EYS: variants seen among roughly 807,000 people sequenced by gnomAD.
EYS encodes protein eyes shut homolog.
Under a neutral mutation model 282.1 loss-of-function variants are expected in EYS, and 250 were observed. The observed-to-expected ratio is 0.89, with a 90% CI of 0.80 to 0.98. The LOEUF (loss-of-function observed/expected upper bound fraction) is 0.98, where lower values mean the gene tolerates loss of function less well. EYS is among the 50% of genes least tolerant of loss of function. The pLI is 0.00. For synonymous variants in EYS, 1,355 were observed against 1,282.9 expected (o/e 1.06, Z -1.20); for missense variants, 4,016 against 3,709.0 (o/e 1.08, Z -2.15).
rs137897405 is a variant in EYS at position 65,653,181 on chromosome 6, T to C, written c.-447-13289A>G. Among the ~76,000 whole-genome samples, 4 of 152,030 alleles carry C rather than the reference T, an allele frequency of 2.6e-5. No individual in the cohort carries two copies. In the East Asian group the frequency reaches 7.7e-4, roughly 29 times the overall value. ...TTTCTATTTCTTCACTTAATTTTTA[T>C]CTGTGCCTACCTTTGTCCAAAACCA... On this transcript the variant is annotated intron_variant, in intron 1 of 42. Transcript: ENST00000503581.
chr6:64,452,975 A>G (rs938891493), intron 26 of EYS, among the ~76,000 whole-genome samples: 7 of 152,226 alleles, frequency 4.6e-5, no homozygotes. Flanking sequence ...TAAAACACCA[A>G]AAGCAATGGC....
chr6:65,042,117 T>C (rs1173898316), intron 13 of EYS, among the ~76,000 whole-genome samples: 1 of 151,632 alleles, frequency 6.6e-6, no homozygotes, highest in Admixed American at 6.6e-5. Flanking sequence ...ACTGACCCCT[T>C]CAGTATTATG....
intron 28 of EYS, among the ~76,000 whole-genome samples, chr6:64,404,943 G>A (rs1773659346): frequency 6.6e-6 from 1 of 152,062 alleles, no homozygotes. Context: ...TAGAGAAAAA[G>A]TCAAGGCCAC....
At chr6:65,408,217 A>G (rs1250319284) in intron 5 of EYS, among the ~76,000 whole-genome samples, 2 of 152,092 alleles carry the variant, frequency 1.3e-5, no homozygotes, top group Admixed American at 1.3e-4. Context: ...GAGATTTTCT[A>G]TCTTTATTCA....
intron 19 of EYS, among the ~76,000 whole-genome samples, chr6:64,883,001 T>C (rs1203458157): frequency 6.6e-6 from 1 of 151,556 alleles, no homozygotes; most frequent in African/African-American, 2.4e-5. Context: ...ATCTGAGTTA[T>C]GGTATGAGGA....
chr6:63,734,124 G>A (rs995185540), intron 41 of EYS, among the ~76,000 whole-genome samples: 1 of 152,062 alleles, frequency 6.6e-6, no homozygotes, highest in South Asian at 2.1e-4. Context: ...CTACAAAATC[G>A]GGACGAGGCA....
intron 12 of EYS, among the ~76,000 whole-genome samples, chr6:65,154,700 C>T (rs1017674185): frequency 4.6e-5 from 7 of 151,402 alleles, no homozygotes; most frequent in Non-Finnish European, 1.0e-4. Flanking sequence ...TAATTACCTC[C>T]ATTAAGCATA....
intron 26 of EYS, among the ~76,000 whole-genome samples, chr6:64,457,949 A>T (rs1301707779): frequency 3.3e-5 from 5 of 151,862 alleles, no homozygotes; most frequent in African/African-American, 1.2e-4. Flanking sequence ...GTGTGTATCT[A>T]TAGGATTTTG....
intron 35 of EYS, among the ~76,000 whole-genome samples, chr6:63,884,383 T>A (rs758588495): frequency 1.3e-5 from 2 of 152,166 alleles, no homozygotes; most frequent in Non-Finnish European, 2.9e-5. Flanking sequence ...TTTACTAAAA[T>A]GTCCTAACTG....
intron 37 of EYS, among the ~76,000 whole-genome samples, chr6:63,804,660 T>C (rs1770858905): frequency 6.6e-6 from 1 of 152,172 alleles, no homozygotes; most frequent in South Asian, 2.1e-4. Context: ...CCTGGTTGTG[T>C]TCAGAGATGC....
At chr6:65,346,095 C>G (rs1247607422) in intron 9 of EYS, among the ~76,000 whole-genome samples, 1 of 151,664 alleles carries the variant, frequency 6.6e-6, no homozygotes, top group African/African-American at 2.4e-5. Flanking sequence ...ATCTCAGGAG[C>G]GCCTGCCTTA....
chr6:65,231,863 G>A (rs536881796), intron 12 of EYS, among the ~76,000 whole-genome samples: 57 of 151,880 alleles, frequency 3.8e-4, no homozygotes, highest in African/African-American at 1.3e-3. Flanking sequence ...GTAGTGGTAT[G>A]AATAGTTCCC....
At chr6:64,538,416 G>C (rs987777079) in intron 26 of EYS, among the ~76,000 whole-genome samples, 2 of 152,060 alleles carry the variant, frequency 1.3e-5, no homozygotes, top group Non-Finnish European at 2.9e-5. Context: ...TTCTATAATT[G>C]GTAAGGTATG....
At chr6:64,653,818 G>A (rs1298014832) in intron 22 of EYS, among the ~76,000 whole-genome samples, 1 of 149,970 alleles carries the variant, frequency 6.7e-6, no homozygotes, top group African/African-American at 2.5e-5. Context: ...TCCCGCCTCT[G>A]CCTCCCAGAA....
intron 12 of EYS, among the ~76,000 whole-genome samples, chr6:65,258,337 G>C (rs1490841028): frequency 2.6e-5 from 4 of 152,110 alleles, no homozygotes; most frequent in African/African-American, 9.6e-5. Context: ...AAAGTAATTT[G>C]ATCCAAAATT....
chr6:64,009,675 T>C lies in EYS; in HGVS notation c.6726-10492A>G, dbSNP rs185915469. ...AGATTCTTTAGATTTTTTGACTTTG[T>C]TCTGAATCTTGATGATCTTTGTTCC... On this transcript the variant is annotated intron_variant, in intron 33 of 42. Transcript: ENST00000503581. Among the ~76,000 whole-genome samples, 18 of 152,314 alleles carry C rather than the reference T, an allele frequency of 1.2e-4. No homozygotes were observed. The East Asian group carries it at 3.1e-3, about 26-fold the overall frequency.
intron 5 of EYS, among the ~76,000 whole-genome samples, chr6:65,427,166 A>G (rs1767693709): frequency 6.6e-6 from 1 of 152,000 alleles, no homozygotes; most frequent in South Asian, 2.1e-4. Flanking sequence ...AGTAGTCTTG[A>G]TATCTGCCAG....
intron 30 of EYS, among the ~76,000 whole-genome samples, chr6:64,288,880 A>T (rs1768596570): frequency 1.3e-5 from 2 of 152,052 alleles, no homozygotes; most frequent in Non-Finnish European, 2.9e-5. Flanking sequence ...TTCCTTCTAA[A>T]GAGCAGATGC....
chr6:64,992,505 T>C (rs1377400844), intron 14 of EYS, among the ~76,000 whole-genome samples: 1 of 151,920 alleles, frequency 6.6e-6, no homozygotes, highest in African/African-American at 2.4e-5. Context: ...GCAATATTAA[T>C]ATAAAATATA....
Sources: allele counts gnomAD v4.1 joint callset (sites outside exome capture counted in the v4.1 genomes callset), GRCh38; gene constraint gnomAD v4.1.1; transcripts MANE v1.5; gene names NCBI Gene and HGNC (gene_info 2026-07-23, HGNC 2026-07-21).